Variants in ARHGEF10 observed in about 807,000 individuals in gnomAD.
ARHGEF10 encodes Rho guanine nucleotide exchange factor (GEF) 10.
A neutral mutation model predicts 147.4 loss-of-function variants in ARHGEF10; 140 were observed. That is an observed-to-expected ratio of 0.95 (90% confidence interval 0.83 to 1.09). ARHGEF10 has a LOEUF of 1.09. ARHGEF10 is among the 50% of genes least tolerant of loss of function. The pLI is 0.00. For missense variants in ARHGEF10, 2,222 were observed against 1,752.7 expected (o/e 1.27, Z -4.78); for synonymous variants, 902 against 695.8 (o/e 1.30, Z -4.67).
chr8:1,928,733 C>T (rs1812881143), intron 24 of ARHGEF10, 83 bp downstream of exon 24: 1 of 1,492,288 alleles, frequency 6.7e-7, no homozygotes, highest in Non-Finnish European at 9.2e-7. Flanking sequence ...TGGAAAGAGT[C>T]CTTGACTTTG....
At chr8:1,861,347 G>C (rs1806114315) in intron 4 of ARHGEF10, among the ~76,000 whole-genome samples, 1 of 152,248 alleles carries the variant, frequency 6.6e-6, no homozygotes, top group South Asian at 2.1e-4. Context: ...CAAGGGCTGG[G>C]GCCTCCTGCC....
intron 21 of ARHGEF10, among the ~76,000 whole-genome samples, chr8:1,924,203 C>T (rs1235605763): frequency 1.3e-5 from 2 of 152,138 alleles, no homozygotes; most frequent in African/African-American, 4.8e-5. Flanking sequence ...CGGCGGGCGG[C>T]GGCCTTCAAA....
intron 5 of ARHGEF10, among the ~76,000 whole-genome samples, chr8:1,865,723 T>TCC (rs200036711): frequency 1.8e-5 from 2 of 110,938 alleles, no homozygotes. Context: ...ATCACGTGAT[T>TCC]CCGTTAGTGA....
At chr8:1,890,467 G>C (rs1180276423) in intron 11 of ARHGEF10, among the ~76,000 whole-genome samples, 1 of 150,006 alleles carries the variant, frequency 6.7e-6, no homozygotes, top group African/African-American at 2.5e-5. Context: ...GGTGAGTGTT[G>C]TGAGGAGACA....
chr8:1,957,418 C>T lies in ARHGEF10; in HGVS notation c.*155C>T. On this transcript the variant is annotated 3_prime_UTR_variant, in exon 29 of 29. Coordinates refer to ENST00000349830, the MANE Select transcript of ARHGEF10 (RefSeq NM_014629.4). The stretch of plus-strand genomic sequence containing the variant: ...ACGTGCAATAGCGTAATGGTGGTGT[C>T]CCTGCCAATTCCTTCCTTCTCTTCT... 1.9e-6 allele frequency: 2 copies of T among 1,066,736 alleles called. No individual in the cohort carries two copies. Among genetic ancestry groups the T allele is most frequent in the Non-Finnish European group, 2.7e-6 (2 of 743,246 alleles). 66.1% of individuals were successfully genotyped at this position (1,066,736 alleles called of 1,614,324 possible). A position where few individuals can be genotyped will look rare whatever the true frequency, so the allele number is the denominator to read the frequency against.
chr8:1,850,210 GGATGGCAAAT>G (rs1804995473), intron 2 of ARHGEF10, among the ~76,000 whole-genome samples: 2 of 47,460 alleles, frequency 4.2e-5, no homozygotes, highest in East Asian at 9.6e-4. Flanking sequence ...ACATGGGCAT[GGATGGCAAAT>G]GCTAAGGAGG....
chr8:1,859,839 G>C, intron 3 of ARHGEF10, 58 bp from the exon 4 acceptor site: 7 of 1,603,864 alleles, frequency 4.4e-6, no homozygotes, highest in Non-Finnish European at 6.0e-6. Flanking sequence ...CTCCAGGAGG[G>C]CATGCCTGCC....
Position 1,888,275 on chromosome 8 carries a change from AGGTTCTGAGGAGGG to A in ARHGEF10, c.1182+2570_1182+2583del, listed in dbSNP as rs1316474210. ...GCGAGGAGATGCTGAGTGGGGCTGTAGGTTCTGAGGAGGGGTGGGGTGAGGGTTTGTGAGGATAT... is the reference window on the plus strand; with the variant it reads ...GCGAGGAGATGCTGAGTGGGGCTGTAGTGGGGTGAGGGTTTGTGAGGATAT... On this transcript the variant is annotated intron_variant, in intron 11 of 28. Transcript: ENST00000349830. Among the ~76,000 whole-genome samples, 12 of 48,672 alleles carry A rather than the reference AGGTTCTGAGGAGGG, an allele frequency of 2.5e-4. 1 individual carries two copies. Among genetic ancestry groups the A allele is most frequent in the East Asian group, 1.2e-3 (1 of 828 alleles). 31.9% of individuals were successfully genotyped at this position (48,672 alleles called of 152,430 possible). A position where few individuals can be genotyped will look rare whatever the true frequency, so the allele number is the denominator to read the frequency against.
chr8:1,880,877 C>T (rs1808131218), intron 9 of ARHGEF10, among the ~76,000 whole-genome samples: 1 of 152,224 alleles, frequency 6.6e-6, no homozygotes, highest in Non-Finnish European at 1.5e-5. Flanking sequence ...GCAGCCGGCT[C>T]ATCCGCCCTG....
intron 11 of ARHGEF10, among the ~76,000 whole-genome samples, chr8:1,886,089 G>T (rs1808635764): frequency 6.6e-6 from 1 of 152,210 alleles, no homozygotes; most frequent in African/African-American, 2.4e-5. Flanking sequence ...GTAGCTACCT[G>T]AGACTGAGAT....
intron 1 of ARHGEF10, among the ~76,000 whole-genome samples, chr8:1,841,320 G>C (rs1029069205): frequency 6.6e-6 from 1 of 152,252 alleles, no homozygotes; most frequent in South Asian, 2.1e-4. Context: ...CAGCCCAGGA[G>C]CCTGGATTCA....
chr8:1,845,471 A>C (rs1045157829), intron 2 of ARHGEF10, among the ~76,000 whole-genome samples: 2 of 152,168 alleles, frequency 1.3e-5, no homozygotes, highest in Non-Finnish European at 2.9e-5. Context: ...CATGCTGAGG[A>C]GGCGGGTACA....
At chr8:1,826,318 TTGTG>T (rs1277202238) in intron 1 of ARHGEF10, among the ~76,000 whole-genome samples, 1 of 152,182 alleles carries the variant, frequency 6.6e-6, no homozygotes, top group African/African-American at 2.4e-5. Flanking sequence ...CCTCTGCAGT[TTGTG>T]TGTGCATACG....
At chr8:1,865,490 G>T (rs1018279094) in intron 5 of ARHGEF10, among the ~76,000 whole-genome samples, 2 of 151,830 alleles carry the variant, frequency 1.3e-5, no homozygotes, top group Non-Finnish European at 2.9e-5. Flanking sequence ...CCATCACCAG[G>T]ACACGGGGCA....
At position 1,848,360 on chromosome 8, in the gene ARHGEF10, C is replaced by T. The variant is rs185427261; in HGVS notation, c.37+4924C>T. On this transcript the variant is annotated intron_variant, in intron 2 of 28. Coordinates refer to ENST00000349830, the MANE Select transcript of ARHGEF10 (RefSeq NM_014629.4). ...ATAGACGAGGGATGGGGTCTCGTGGCCAGCAAGCAAAGTTTGAACTCAGCT... is the reference window on the plus strand; with the variant it reads ...ATAGACGAGGGATGGGGTCTCGTGGTCAGCAAGCAAAGTTTGAACTCAGCT... Among the ~76,000 whole-genome samples the T allele has an allele frequency of 8.4e-3, 1,274 of 152,236 alleles. 15 individuals carry two copies. The highest frequency in any genetic ancestry group is 0.011 in the Non-Finnish European group (766 of 68,022).
intron 1 of ARHGEF10, among the ~76,000 whole-genome samples, chr8:1,836,480 G>A (rs4875953): frequency 0.21 from 32,448 of 152,060 alleles, 3,472 homozygotes; most frequent in South Asian, 0.25. Context: ...CCAGCCACGT[G>A]GGCTGACGCC....
intron 1 of ARHGEF10, among the ~76,000 whole-genome samples, chr8:1,826,942 T>A (rs762047189): frequency 4.6e-5 from 7 of 152,240 alleles, no homozygotes; most frequent in Non-Finnish European, 8.8e-5. Context: ...CCAGGCTTTC[T>A]GGGAGTGTAA....
At chr8:1,931,594 G>A (rs897639944) in intron 25 of ARHGEF10, among the ~76,000 whole-genome samples, 1 of 152,220 alleles carries the variant, frequency 6.6e-6, no homozygotes, top group Non-Finnish European at 1.5e-5. Context: ...CGCATAGCCT[G>A]CCACTTCGTT....
intron 11 of ARHGEF10, among the ~76,000 whole-genome samples, chr8:1,887,760 G>A (rs1167035176): frequency 1.0e-5 from 1 of 97,156 alleles, no homozygotes; most frequent in Admixed American, 1.2e-4. Context: ...GAGACACGGA[G>A]TGGGGTGAGG....
Sources: gnomAD v4.1 joint callset for allele counts (sites outside exome capture counted in the v4.1 genomes callset) on GRCh38, gnomAD v4.1.1 for gene constraint, MANE v1.5 for transcripts, NCBI Gene and HGNC (gene_info 2026-07-23, HGNC 2026-07-21) for gene names.